EVI5: variants seen among roughly 807,000 people sequenced by gnomAD.
EVI5 encodes the protein ecotropic viral integration site 5 protein homolog.
In EVI5, 73 loss-of-function variants were observed where a neutral mutation model predicts 112.0. The ratio of observed to expected loss-of-function variants is 0.65; its 90% confidence interval spans 0.54 to 0.79. EVI5 has a LOEUF of 0.79. EVI5 is among the 30% of genes least tolerant of loss of function. The pLI, the probability that EVI5 is intolerant of heterozygous loss-of-function variation, is 0.00. For synonymous variants in EVI5, 305 were observed against 319.9 expected (o/e 0.95, Z 0.50); for missense variants, 900 against 968.8 (o/e 0.93, Z 0.94).
intron 1 of EVI5, among the ~76,000 whole-genome samples, chr1:92,781,438 A>G (rs1191676306): frequency 6.6e-6 from 1 of 151,882 alleles, no homozygotes; most frequent in African/African-American, 2.4e-5. Context: ...GCTTGAGCAC[A>G]GGAGGCGGAG....
At chr1:92,568,183 G>A (rs1669778863) in intron 18 of EVI5, among the ~76,000 whole-genome samples, 1 of 151,706 alleles carries the variant, frequency 6.6e-6, no homozygotes. Flanking sequence ...AACCAGCCTG[G>A]GCAACATGGC....
intron 19 of EVI5, among the ~76,000 whole-genome samples, chr1:92,540,554 T>G (rs959872413): frequency 6.6e-6 from 1 of 152,166 alleles, no homozygotes; most frequent in Non-Finnish European, 1.5e-5. Context: ...ATTGTAAGAG[T>G]TCTTTATATA....
chr1:92,621,899 G>T (rs1390853170), intron 16 of EVI5, among the ~76,000 whole-genome samples: 2 of 151,926 alleles, frequency 1.3e-5, no homozygotes, highest in Non-Finnish European at 2.9e-5. Context: ...AAGGTGGGTG[G>T]ATCACAAGGT....
chr1:92,586,356 TG>T (rs1672778885), intron 18 of EVI5, among the ~76,000 whole-genome samples: 1 of 152,194 alleles, frequency 6.6e-6, no homozygotes, highest in African/African-American at 2.4e-5. Context: ...TCTGCATATT[TG>T]TCTCTTAACT....
intron 16 of EVI5, among the ~76,000 whole-genome samples, chr1:92,615,091 A>C (rs61802397): frequency 2.6e-5 from 4 of 151,996 alleles, no homozygotes; most frequent in Non-Finnish European, 5.9e-5. Flanking sequence ...TATGGAGCAC[A>C]CTGATAGTTC....
intron 2 of EVI5, among the ~76,000 whole-genome samples, chr1:92,719,892 GAC>G (rs1674441125): frequency 6.6e-6 from 1 of 151,890 alleles, no homozygotes; most frequent in South Asian, 2.1e-4. Context: ...ACCAATAACA[GAC>G]AGCCAAATTA....
chr1:92,664,382 G>A (rs1379049611), intron 11 of EVI5, among the ~76,000 whole-genome samples: 1 of 151,020 alleles, frequency 6.6e-6, no homozygotes, highest in Non-Finnish European at 1.5e-5. Flanking sequence ...TTTTCTAGAA[G>A]CAAAATCCAA....
At chr1:92,611,945 A>T (rs1024087173) in intron 16 of EVI5, among the ~76,000 whole-genome samples, 1 of 152,062 alleles carries the variant, frequency 6.6e-6, no homozygotes, top group African/African-American at 2.4e-5. Flanking sequence ...TTAAATAGAA[A>T]AAAAAGAATT....
rs911387212 is a variant in EVI5, at chr1:92,754,695, C to T, written c.-81-18068G>A. On this transcript the variant is annotated intron_variant, in intron 1 of 19. Transcript: ENST00000684568. ...AGTATCTTCACCTTGTGGCAACTGG[C>T]TTCCCCCAGAACAAGAAAGCAAGAC... Among the ~76,000 whole-genome samples the T allele has an allele frequency of 3.9e-4, 60 of 152,324 alleles. 1 individual carries two copies. The highest frequency in any genetic ancestry group is 3.7e-3 in the Admixed American group (56 of 15,302).
rs777931725 is a variant in EVI5 at position 92,736,526 on chromosome 1, A to G, written c.21T>C (p.Ser7=). MASQVA[S]PSTSLHTTSS... ...ATGTGGTATGTAATGAAGTAGATGG[A>G]CTTGCCACCTGACTGGCCATCTGAC... Residue 7 remains serine (S), a synonymous_variant, in exon 2 of 20, where the codon AGT becomes AGC. Transcript: ENST00000684568. 6.2e-7 allele frequency: 1 copy of G among 1,613,526 alleles called. No individual in the cohort carries two copies.
chr1:92,640,736 C>T (rs1311237567), intron 13 of EVI5, among the ~76,000 whole-genome samples: 1 of 152,110 alleles, frequency 6.6e-6, no homozygotes, highest in Non-Finnish European at 1.5e-5. Flanking sequence ...CAGGCATATA[C>T]CCAAAAGAAT....
At chr1:92,658,816 C>G (rs1310813546) in intron 13 of EVI5, among the ~76,000 whole-genome samples, 1 of 152,072 alleles carries the variant, frequency 6.6e-6, no homozygotes, top group Non-Finnish European at 1.5e-5. Flanking sequence ...TATTGCATTA[C>G]TTAACTTCAA....
intron 7 of EVI5, among the ~76,000 whole-genome samples, chr1:92,694,618 A>C (rs901123466): frequency 9.2e-5 from 14 of 152,222 alleles, no homozygotes; most frequent in African/African-American, 3.1e-4. Context: ...CGACATATAA[A>C]TAAATGGGCA....
intron 2 of EVI5, among the ~76,000 whole-genome samples, chr1:92,715,537 G>A (rs1673494424): frequency 6.6e-6 from 1 of 152,166 alleles, no homozygotes; most frequent in Admixed American, 6.5e-5. Context: ...AGCTCCCAGC[G>A]TGATCGACGC....
chr1:92,717,317 G>A (rs904806837), intron 2 of EVI5, among the ~76,000 whole-genome samples: 1 of 152,164 alleles, frequency 6.6e-6, no homozygotes, highest in Non-Finnish European at 1.5e-5. Flanking sequence ...ACCCACAAAC[G>A]GAAGCCCATC....
At chr1:92,689,191 A>G (rs1305991281) in intron 9 of EVI5, among the ~76,000 whole-genome samples, 1 of 152,246 alleles carries the variant, frequency 6.6e-6, no homozygotes, top group African/African-American at 2.4e-5. Flanking sequence ...GGGTTAGACT[A>G]CAAATTAGTG....
rs1227269343 is a variant in EVI5 at position 92,693,881 on chromosome 1, G to C, written c.1018C>G (p.Pro340Ala). 3 of 1,595,988 alleles carry C rather than the reference G, an allele frequency of 1.9e-6. No homozygotes were observed. The East Asian group carries it at 6.7e-5, about 36-fold the overall frequency. The change falls in exon 9 of 20, where the codon CCA (proline) becomes GCA (alanine). Residue 340 changes from proline (P) to alanine (A), a missense_variant. Pro to Ala is a conservative substitution (Grantham distance 27). Coordinates refer to ENST00000684568, the MANE Select transcript of EVI5 (RefSeq NM_001350197.2). Reference protein sequence around the residue: ...GMLQHFQKVIPHQFDGVPDKL... With the variant: ...GMLQHFQKVIAHQFDGVPDKL... ...TCTGGGACACCATCAAACTGATGTG[G>C]AATGACCTTTTGAAAGTGCTAAGAT...
At chr1:92,636,508 T>TA (rs1658868565) in intron 13 of EVI5, among the ~76,000 whole-genome samples, 172 bp from the exon 14 acceptor site, 1 of 152,200 alleles carries the variant, frequency 6.6e-6, no homozygotes, top group Admixed American at 6.5e-5. Context: ...CTCCAATGAG[T>TA]AAAAAAGCCC....
chr1:92,685,335 AAAG>A (rs1457544773), intron 9 of EVI5, among the ~76,000 whole-genome samples: 2 of 152,216 alleles, frequency 1.3e-5, no homozygotes. Context: ...AGGCAGAAAT[AAAG>A]ATGTTCTTTG....
Sources: allele counts gnomAD v4.1 joint callset (sites outside exome capture counted in the v4.1 genomes callset), GRCh38; gene constraint gnomAD v4.1.1; transcripts MANE v1.5; gene names NCBI Gene and HGNC (gene_info 2026-07-23, HGNC 2026-07-21).